The following IL13RA2 variants were observed in gnomAD, a reference collection of about 807,000 sequenced individuals.
The protein encoded by IL13RA2 is interleukin 13 receptor subunit alpha 2.
Under a neutral mutation model 34.1 loss-of-function variants are expected in IL13RA2, and 25 were observed. The observed-to-expected ratio is 0.73, with a 90% confidence interval of 0.53 to 1.03. The LOEUF is 1.03. IL13RA2 is among the 50% of genes least tolerant of loss of function. The pLI, the probability that IL13RA2 is intolerant of heterozygous loss-of-function variation, is 0.00. For synonymous variants in IL13RA2, 106 were observed against 100.4 expected, an observed-to-expected ratio of 1.06 and a Z score of -0.33; for missense variants, 297 against 280.9, an observed-to-expected ratio of 1.06 and a Z score of -0.41.
chrX:115,010,582 G>C, intron 6 of IL13RA2, 62 bp downstream of exon 6: 1 of 509,789 alleles, frequency 2.0e-6, no homozygotes, highest in Non-Finnish European at 3.3e-6. Context: ...ACCCTCTCAA[G>C]TGGTTGTAAA....
At position 115,015,674 on chromosome X, in the gene IL13RA2, C is replaced by T; in HGVS notation, c.242G>A (p.Trp81Ter). Residue 81 changes from tryptophan to a stop codon, truncating the protein, a stop_gained, in exon 3 of 10, where the codon TGG becomes TAG. Coordinates refer to ENST00000243213, the MANE Select transcript of IL13RA2 (RefSeq NM_000640.3). LOFTEE classifies it high-confidence loss of function. The part of the protein sequence containing the change: ...LKYRNIGSET[W>*]KTIITKNLHY... ...GCAAATGCATGCTTTACTTACCTTC[C>T]ATGTTTCACTACCAATGTTTCGGTA... The T allele has an allele frequency of 1.7e-6, 2 of 1,202,714 alleles. No individual in the cohort carries two copies. The highest frequency in any genetic ancestry group is 2.3e-6 in the Non-Finnish European group (2 of 887,556).
At position 115,005,900 on chromosome X, in the gene IL13RA2, G is replaced by A. The variant is rs1270679405; in HGVS notation, c.998-585C>T. ...GGGATGGAGTTTTAATGGTTCTTCT[G>A]CATAGCAAGAAATGAGCAATCACTA... On this transcript the variant is annotated intron_variant, in intron 8 of 9. Transcript: ENST00000243213. Among the ~76,000 whole-genome samples the A allele has an allele frequency of 2.7e-5, 3 of 111,926 alleles. No homozygotes were observed. In the Admixed American group the frequency reaches 2.8e-4, roughly 11 times the overall value.
chrX:115,008,966 C>T (rs782543545), intron 7 of IL13RA2, among the ~76,000 whole-genome samples: 2 of 111,731 alleles, frequency 1.8e-5, no homozygotes, highest in Non-Finnish European at 3.8e-5. Context: ...ATTAGAACTA[C>T]TGACTCACTA....
chrX:115,015,819 T>A lies in IL13RA2; in HGVS notation c.97A>T (p.Asn33Tyr). 8.7e-7 allele frequency: 1 copy of A among 1,144,695 alleles called. No homozygotes were observed. Among genetic ancestry groups the A allele is most frequent in the Non-Finnish European group, 1.2e-6 (1 of 839,336 alleles). The allele number at this position is 1,144,695 out of a possible 1,213,427, so 94.3% of individuals were successfully genotyped here. A position where few individuals can be genotyped will look rare whatever the true frequency, so the allele number is the denominator to read the frequency against. ...TSSSDTEIKVNPPQDFEIVDP... is the reference protein window; with the variant it reads ...TSSSDTEIKVYPPQDFEIVDP... ...ACTATCTCAAAATCCTGAGGAGGGT[T>A]AACTGAAATAAATCAATAAAACACT... The change falls in exon 3 of 10, where the codon AAC (asparagine) becomes TAC (tyrosine). Residue 33 changes from asparagine to tyrosine, a missense_variant and splice_region_variant. By Grantham distance (143) the Asn-to-Tyr change is moderately radical. Transcript: ENST00000243213.
At chrX:115,010,886 G>T in intron 5 of IL13RA2, 58 bp from the exon 6 acceptor site, 2 of 528,017 alleles carry the variant, frequency 3.8e-6, no homozygotes, top group Non-Finnish European at 5.9e-6. Flanking sequence ...CAGTATCAAG[G>T]CACTTCATTT....
intron 8 of IL13RA2, among the ~76,000 whole-genome samples, chrX:115,005,596 T>C (rs2071682430): frequency 8.9e-6 from 1 of 112,081 alleles, no homozygotes; most frequent in South Asian, 3.7e-4. Flanking sequence ...AGTTTGTTTA[T>C]ATTTGACCTT....
chrX:115,004,728 C>G (rs1445760950), intron 9 of IL13RA2, among the ~76,000 whole-genome samples: 1 of 111,831 alleles, frequency 8.9e-6, no homozygotes, highest in African/African-American at 3.2e-5. Context: ...CATCTAAAAT[C>G]ATCTCAAAGG....
intron 8 of IL13RA2, among the ~76,000 whole-genome samples, chrX:115,007,080 T>C (rs1318950389): frequency 8.9e-6 from 1 of 112,077 alleles, no homozygotes; most frequent in Non-Finnish European, 1.9e-5. Flanking sequence ...GAGATTTCTT[T>C]ACTGCCATAT....
intron 8 of IL13RA2, among the ~76,000 whole-genome samples, chrX:115,007,621 A>G (rs1227950641): frequency 8.9e-6 from 1 of 111,971 alleles, no homozygotes; most frequent in East Asian, 2.8e-4. Flanking sequence ...TCTCTTGAAT[A>G]CTGAAAGCAT....
In IL13RA2 at chrX:115,007,913, C is replaced by G; in HGVS notation, c.997+19G>C. 3.0e-6 allele frequency: 3 copies of G among 993,061 alleles called. No individual in the cohort carries two copies. The highest frequency in any genetic ancestry group is 4.2e-6 in the Non-Finnish European group (3 of 712,446). The allele number at this position is 993,061 out of a possible 1,213,427, so 81.8% of individuals were successfully genotyped here. The stretch of plus-strand genomic sequence containing the variant: ...TAGCAAAGAGCTCATTATTTAGTTA[C>G]TGTCCTTTTAGCTCATACCTTCCCA... On this transcript the variant is annotated intron_variant, in intron 8 of 9. Coordinates refer to ENST00000243213, the MANE Select transcript of IL13RA2 (RefSeq NM_000640.3).
chrX:115,010,085 T>TCA (rs1556508529), intron 6 of IL13RA2, among the ~76,000 whole-genome samples: 1 of 111,674 alleles, frequency 9.0e-6, no homozygotes, highest in African/African-American at 3.3e-5. Flanking sequence ...CATTCACGCC[T>TCA]CACAATAAAC....
chrX:115,006,441 G>C (rs17095869), intron 8 of IL13RA2, among the ~76,000 whole-genome samples: 2,162 of 111,615 alleles, frequency 0.019, 64 homozygotes, highest in African/African-American at 0.066. Flanking sequence ...TCAACACTTT[G>C]TGAGACCGAG....
At position 115,010,825 on chromosome X, in the gene IL13RA2, A is replaced by G; in HGVS notation, c.525T>C (p.Tyr175=). Residue 175 remains tyrosine, a synonymous_variant, in exon 6 of 10, where the codon TAT becomes TAC. Coordinates refer to ENST00000243213, the MANE Select transcript of IL13RA2 (RefSeq NM_000640.3). ...LDTNYNLFYW[Y]EGLDHALQCV... ...ACTGTAATGCATGATCCAAGCCCTC[A>G]TACCTGTAAAATGAGTGTTGTGAGA... 3.0e-6 allele frequency: 3 copies of G among 998,309 alleles called. No individual in the cohort carries two copies. Among genetic ancestry groups the G allele is most frequent in the Middle Eastern group, 5.4e-4 (2 of 3,703 alleles). 82.3% of individuals were successfully genotyped at this position (998,309 alleles called of 1,213,427 possible).
chrX:115,005,078 A>G, intron 9 of IL13RA2, 119 bp downstream of exon 9: 1 of 476,810 alleles, frequency 2.1e-6, no homozygotes, highest in Non-Finnish European at 3.7e-6. Context: ...ATACGGAATC[A>G]ATTGTACACC....
chrX:115,012,736 GC>G (rs1454861231), intron 5 of IL13RA2, among the ~76,000 whole-genome samples: 8 of 109,444 alleles, frequency 7.3e-5, no homozygotes, highest in African/African-American at 2.4e-4. Flanking sequence ...CTGCACTCCA[GC>G]CTGTGTGACA....
At position 115,009,584 on chromosome X, in the gene IL13RA2, T is replaced by A; in HGVS notation, c.789A>T (p.Gly263=). Residue 263 remains glycine (G), a synonymous_variant, in exon 7 of 10, where the codon GGA becomes GGT. Coordinates refer to ENST00000243213, the MANE Select transcript of IL13RA2 (RefSeq NM_000640.3). ...EIKLKWSIPL[G]PIPARCFDYE... ...AATCAAAACACCTTGCTGGAATAGG[T>A]CCCAAAGGTATGCTCCATTTCAGCT... 2 of 1,189,511 alleles carry A rather than the reference T, an allele frequency of 1.7e-6. No individual in the cohort carries two copies. Among genetic ancestry groups the A allele is most frequent in the Non-Finnish European group, 2.3e-6 (2 of 875,364 alleles).
Position 115,014,442 on chromosome X carries a change from T to A in IL13RA2, c.379A>T (p.Thr127Ser). The A allele has an allele frequency of 3.4e-6, 4 of 1,191,655 alleles. No homozygotes were observed. The highest frequency in any genetic ancestry group is 4.5e-6 in the Non-Finnish European group (4 of 880,176). ...SEVQSSWAET[T>S]YWISPQGIPE... ...TAACCTTGTGGTGATATCCAATAAGTAGTTTCTGCCCAGGAACTTTGAACT... is the reference window on the plus strand; with the variant it reads ...TAACCTTGTGGTGATATCCAATAAGAAGTTTCTGCCCAGGAACTTTGAACT... Residue 127 changes from threonine to serine, a missense_variant, in exon 4 of 10, where the codon ACT becomes TCT. By Grantham distance (58) the Thr-to-Ser change is moderately conservative. Transcript: ENST00000243213.
Position 115,009,512 on chromosome X carries a change from T to C in IL13RA2, c.852+9A>G. Reference sequence around the variant, plus strand: ...TTATGATTTTCCCAAATAAATGCAATATTCATACCACCAAGGTAGTATCAT... The same window carrying C: ...TTATGATTTTCCCAAATAAATGCAACATTCATACCACCAAGGTAGTATCAT... On this transcript the variant is annotated intron_variant, in intron 7 of 9. Transcript: ENST00000243213. 8.5e-7 allele frequency: 1 copy of C among 1,179,224 alleles called. No homozygotes were observed. Among genetic ancestry groups the C allele is most frequent in the Non-Finnish European group, 1.2e-6 (1 of 868,882 alleles).
chrX:115,012,764 TCAAA>T (rs1285072910), intron 5 of IL13RA2, among the ~76,000 whole-genome samples: 2 of 94,298 alleles, frequency 2.1e-5, no homozygotes, highest in Middle Eastern at 5.4e-3. Context: ...GACTCTTGTC[TCAAA>T]CAAACAAACA....
Sources: allele counts gnomAD v4.1 joint callset (sites outside exome capture counted in the v4.1 genomes callset), GRCh38; gene constraint gnomAD v4.1.1; transcripts MANE v1.5; gene names NCBI Gene and HGNC (gene_info 2026-07-23, HGNC 2026-07-21).